Variants in GPD1L observed in about 807,000 individuals in gnomAD.
The protein encoded by GPD1L is glycerol-3-phosphate dehydrogenase 1 like, also known as glycerol-3-phosphate dehydrogenase 1-like protein.
A neutral mutation model predicts 32.9 loss-of-function variants in GPD1L; 17 were observed. The ratio of observed to expected loss-of-function variants is 0.52; its 90% CI spans 0.35 to 0.78. The LOEUF is 0.78. Ranked by LOEUF, GPD1L falls within the 30% of genes least tolerant of loss-of-function variation. GPD1L has a pLI of 0.01. For missense variants in GPD1L, 361 were observed against 447.8 expected (o/e 0.81, Z 1.75); for synonymous variants, 187 against 165.9 (o/e 1.13, Z -0.98).
rs776751619 is a variant in GPD1L at position 32,158,961 on chromosome 3, T to A, written c.704T>A (p.Met235Lys). The A allele has an allele frequency of 5.6e-6, 9 of 1,614,102 alleles. No homozygotes were observed. In the South Asian group the frequency reaches 9.9e-5, roughly 18 times the overall value. The part of the protein sequence containing the change: ...TKAAVIRLGL[M>K]EMIAFARIFC... ...GCGGCCGTCATCCGCCTGGGACTCA[T>A]GGAAATGATTGCTTTTGCCAGGATC... The change falls in exon 6 of 8, where the codon ATG becomes AAG. Residue 235 changes from methionine to lysine, a missense_variant. Coordinates refer to ENST00000282541, the MANE Select transcript of GPD1L (RefSeq NM_015141.4).
rs752453693 is a variant in GPD1L at position 32,168,234 on chromosome 3, C to T, written c.*2324C>T. 1 of 152,598 alleles carries T rather than the reference C, an allele frequency of 6.6e-6. No homozygotes were observed. Among genetic ancestry groups the T allele is most frequent in the Non-Finnish European group, 1.5e-5 (1 of 68,038 alleles). The allele number at this position is 152,598 out of a possible 1,614,324, so 9.5% of individuals were successfully genotyped here. ...AAGGTAAATTTTAGAAGTTTCTGCT[C>T]TACTAACTGTAGATATTTATGACTC... On this transcript the variant is annotated 3_prime_UTR_variant, in exon 8 of 8. Transcript: ENST00000282541.
At chr3:32,133,396 T>G (rs1253167603) in intron 2 of GPD1L, among the ~76,000 whole-genome samples, 7 of 152,194 alleles carry the variant, frequency 4.6e-5, no homozygotes, top group Admixed American at 3.9e-4. Flanking sequence ...TCATGGATTT[T>G]AGGGGGAAAA....
In GPD1L at chr3:32,168,564, A is replaced by G. The variant is rs994273024; in HGVS notation, c.*2654A>G. ...TCCACACCAAGAGGGTGTTGTGATG[A>G]GGTGCCGGTGTGCAAAGGGAACTTT... On this transcript the variant is annotated 3_prime_UTR_variant, in exon 8 of 8. Coordinates refer to ENST00000282541, the MANE Select transcript of GPD1L (RefSeq NM_015141.4). 1 of 152,660 alleles carries G rather than the reference A, an allele frequency of 6.6e-6. No homozygotes were observed. The highest frequency in any genetic ancestry group is 2.4e-5 in the African/African-American group (1 of 41,454). 9.5% of individuals were successfully genotyped at this position (152,660 alleles called of 1,614,324 possible).
At chr3:32,157,251 CTT>C (rs551469067) in intron 5 of GPD1L, among the ~76,000 whole-genome samples, 3 of 146,352 alleles carry the variant, frequency 2.0e-5, no homozygotes, top group Admixed American at 6.8e-5. Context: ...TCCCCTCTGC[CTT>C]TTTTTTTTTT....
In GPD1L at chr3:32,140,257, G is replaced by A. The variant is rs61741845; in HGVS notation, c.396G>A (p.Lys132=). The A allele has an allele frequency of 1.1e-3, 1,792 of 1,614,090 alleles. 16 individuals carry two copies. In the African/African-American group the frequency reaches 0.021, roughly 19 times the overall value. The change falls in exon 4 of 8, where the codon AAG becomes AAA. Residue 132 remains lysine (K), a synonymous_variant. Coordinates refer to ENST00000282541, the MANE Select transcript of GPD1L (RefSeq NM_015141.4). ...KGIDEGPEGL[K]LISDIIREKM... Reference sequence around the variant, plus strand: ...TAGACGAGGGCCCCGAGGGGCTGAAGCTCATTTCTGACATCATCCGTGAGA... The same window carrying A: ...TAGACGAGGGCCCCGAGGGGCTGAAACTCATTTCTGACATCATCCGTGAGA...
In GPD1L at chr3:32,128,326, G is replaced by A. The variant is rs72546652; in HGVS notation, c.225+73G>A. ...CTTGGCTGAGCAGCACTTGGGTTTT[G>A]GAACTGGGAAAGCTGCTTCCCTTTT... On this transcript the variant is annotated intron_variant, in intron 2 of 7. Coordinates refer to ENST00000282541, the MANE Select transcript of GPD1L (RefSeq NM_015141.4). 2.3e-5 allele frequency: 28 copies of A among 1,243,036 alleles called. No individual in the cohort carries two copies. In the African/African-American group the frequency reaches 3.8e-4, roughly 17 times the overall value. The allele number at this position is 1,243,036 out of a possible 1,614,324, so 77.0% of individuals were successfully genotyped here.
Position 32,164,561 on chromosome 3 carries a change from C to T in GPD1L, c.960-1253C>T, listed in dbSNP as rs536880646. 5.3e-5 allele frequency among the ~76,000 whole-genome samples: 8 copies of T among 152,320 alleles called. No individual in the cohort carries two copies. In the South Asian group the frequency reaches 1.4e-3, roughly 28 times the overall value. ...TCACACATAAGTCATTTAATACTTG[C>T]AGCAAGGCTGTGTATCCAGTCCCAT... On this transcript the variant is annotated intron_variant, in intron 7 of 7. Coordinates refer to ENST00000282541, the MANE Select transcript of GPD1L (RefSeq NM_015141.4).
chr3:32,109,922 T>C (rs895174212), intron 1 of GPD1L, among the ~76,000 whole-genome samples: 1 of 152,228 alleles, frequency 6.6e-6, no homozygotes, highest in Admixed American at 6.5e-5. Flanking sequence ...TGTTTGTTTG[T>C]TTTTGTTTTT....
intron 1 of GPD1L, among the ~76,000 whole-genome samples, chr3:32,107,648 G>A (rs1201634238): frequency 6.6e-6 from 1 of 152,090 alleles, no homozygotes; most frequent in Non-Finnish European, 1.5e-5. Context: ...TCTGTTTACC[G>A]GTTTTTCTGT....
At chr3:32,126,077 CCCAGCCACTCAGGAGGCTGAGTTGGA>C (rs1348740066) in intron 1 of GPD1L, among the ~76,000 whole-genome samples, 3 of 152,086 alleles carry the variant, frequency 2.0e-5, no homozygotes, top group African/African-American at 4.8e-5. Context: ...TGCCTGTAGT[CCCAGCCACTCAGGAGGCTGAGTTGGA>C]AGGATCACCT....
At chr3:32,160,100 A>G (rs1266644771) in intron 7 of GPD1L, among the ~76,000 whole-genome samples, 1 of 151,804 alleles carries the variant, frequency 6.6e-6, no homozygotes, top group East Asian at 1.9e-4. Context: ...TACCATTAGA[A>G]GGTAGCTCTG....
intron 2 of GPD1L, among the ~76,000 whole-genome samples, chr3:32,137,000 T>G (rs997817122): frequency 2.0e-5 from 3 of 152,144 alleles, no homozygotes; most frequent in African/African-American, 7.2e-5. Flanking sequence ...ACACAGTCCC[T>G]GGCTAGATGA....
chr3:32,118,074 G>A (rs186082812), intron 1 of GPD1L, among the ~76,000 whole-genome samples: 4 of 152,208 alleles, frequency 2.6e-5, no homozygotes, highest in African/African-American at 9.6e-5. Flanking sequence ...GACTTAGGGG[G>A]CATCTGTGGA....
chr3:32,156,627 A>T (rs1700993901), intron 5 of GPD1L, among the ~76,000 whole-genome samples: 1 of 151,986 alleles, frequency 6.6e-6, no homozygotes. Context: ...GTTTTTTTTC[A>T]TGTGAAGTAT....
intron 7 of GPD1L, among the ~76,000 whole-genome samples, chr3:32,165,480 G>A (rs925677327): frequency 6.6e-6 from 1 of 151,742 alleles, no homozygotes; most frequent in Non-Finnish European, 1.5e-5. Context: ...AATAATGACA[G>A]AATATAGACT....
intron 5 of GPD1L, among the ~76,000 whole-genome samples, chr3:32,149,948 C>CAA (rs34212680): frequency 0.23 from 30,490 of 132,954 alleles, 3,417 homozygotes; most frequent in Admixed American, 0.32. Context: ...GACTCCGTCT[C>CAA]AAAAAAAAAA....
At chr3:32,124,717 G>C (rs1028627706) in intron 1 of GPD1L, among the ~76,000 whole-genome samples, 6 of 152,146 alleles carry the variant, frequency 3.9e-5, no homozygotes, top group Non-Finnish European at 7.3e-5. Context: ...TTTGAGCCCA[G>C]GAGTTCAAGA....
At chr3:32,143,953 G>A (rs1700784660) in intron 4 of GPD1L, among the ~76,000 whole-genome samples, 1 of 152,184 alleles carries the variant, frequency 6.6e-6, no homozygotes, top group Non-Finnish European at 1.5e-5. Flanking sequence ...TGGCACTCCA[G>A]CCTGGGTGAC....
chr3:32,140,821 A>G (rs1003134210), intron 4 of GPD1L, among the ~76,000 whole-genome samples: 2 of 152,350 alleles, frequency 1.3e-5, no homozygotes, highest in Middle Eastern at 3.4e-3. Context: ...AGACTCAGAG[A>G]ATAAATTACC....
Sources: allele counts gnomAD v4.1 joint callset (sites outside exome capture counted in the v4.1 genomes callset), GRCh38; gene constraint gnomAD v4.1.1; transcripts MANE v1.5; gene names NCBI Gene and HGNC (gene_info 2026-07-23, HGNC 2026-07-21).